The following RAB37 variants were observed in gnomAD, a reference collection of about 807,000 sequenced individuals.
RAB37 encodes the protein RAB37, member RAS oncogene family.
In RAB37, 29 loss-of-function variants were observed where a neutral mutation model predicts 33.1. That is an observed-to-expected ratio of 0.88 (90% CI 0.65 to 1.20). The LOEUF is 1.20. RAB37 is among the 50% of genes most tolerant of loss of function. RAB37 has a pLI of 0.00. For synonymous variants in RAB37, 128 were observed against 119.5 expected (o/e 1.07, Z -0.47); for missense variants, 299 against 301.1 (o/e 0.99, Z 0.05).
chr17:74,677,603 T>C (rs999887029), intron 1 of RAB37: 2 of 152,222 alleles, frequency 1.3e-5, no homozygotes, highest in African/African-American at 4.8e-5. Context: ...CTGTATAATA[T>C]TTCCACTGGC....
Position 74,740,876 on chromosome 17 carries a change from A to G in RAB37, c.202A>G (p.Arg68Gly). ...CATAGCCACCGTCGGCATAGACTTC[A>G]GGGTGAGGTGGCTGCAGGCACTTGC... ...TFIATVGIDF[R>G]NKVVTVDGVR... The change falls in exon 2 of 9, where the codon AGG (arginine) becomes GGG (glycine). Residue 68 changes from arginine (R) to glycine (G), a missense_variant and splice_region_variant. By Grantham distance (125) the Arg-to-Gly change is moderately radical. Coordinates refer to ENST00000392613, the MANE Select transcript of RAB37 (RefSeq NM_001006638.3). The G allele has an allele frequency of 6.2e-7, 1 of 1,606,806 alleles. No individual in the cohort carries two copies. Among genetic ancestry groups the G allele is most frequent in the Non-Finnish European group, 8.5e-7 (1 of 1,173,426 alleles).
intron 1 of RAB37, among the ~76,000 whole-genome samples, chr17:74,719,519 TTC>T (rs534721426): frequency 1.9e-3 from 290 of 152,330 alleles, no homozygotes; most frequent in Middle Eastern, 0.01. Flanking sequence ...TTCCTTTTTT[TTC>T]TTTTGAGATG....
intron 1 of RAB37, chr17:74,696,089 T>A: frequency 7.0e-7 from 1 of 1,431,574 alleles, no homozygotes; most frequent in Non-Finnish European, 9.5e-7. Flanking sequence ...ACAGGATACT[T>A]TGGCACAGGA....
intron 1 of RAB37, among the ~76,000 whole-genome samples, chr17:74,682,221 G>A (rs1389428271): frequency 2.0e-5 from 3 of 152,146 alleles, no homozygotes; most frequent in Non-Finnish European, 4.4e-5. Flanking sequence ...GGCTTAAGCC[G>A]AAAAGAGAAC....
chr17:74,706,428 C>CAT (rs1035920274), intron 1 of RAB37, among the ~76,000 whole-genome samples: 8 of 147,662 alleles, frequency 5.4e-5, no homozygotes, highest in Admixed American at 1.4e-4. Flanking sequence ...ATAAAAAGAA[C>CAT]ATATATATAT....
Position 74,671,456 on chromosome 17 carries a change from T to C in RAB37, c.-131T>C. 1 of 818,562 alleles carries C rather than the reference T, an allele frequency of 1.2e-6. No homozygotes were observed. Among genetic ancestry groups the C allele is most frequent in the Non-Finnish European group, 2.0e-6 (1 of 510,936 alleles). The allele number at this position is 818,562 out of a possible 1,614,324, so 50.7% of individuals were successfully genotyped here. A position where few individuals can be genotyped will look rare whatever the true frequency, so the allele number is the denominator to read the frequency against. ...GCCGCTGCGGGGAACTGTCCAGTGCTGAAAACGGATGCGGCCCGGCCCGCA... is the reference window on the plus strand; with the variant it reads ...GCCGCTGCGGGGAACTGTCCAGTGCCGAAAACGGATGCGGCCCGGCCCGCA... On this transcript the variant is annotated 5_prime_UTR_variant, in exon 1 of 8. Coordinates refer to the RAB37 transcript ENST00000340415. The surrounding 1 kb of genome is among the most constrained non-coding windows in gnomAD (Gnocchi z 5.0).
At chr17:74,687,558 C>T (rs2032078701) in intron 1 of RAB37, among the ~76,000 whole-genome samples, 1 of 152,174 alleles carries the variant, frequency 6.6e-6, no homozygotes. Flanking sequence ...GTTGCAGACC[C>T]TCAGGACAGA....
At chr17:74,739,534 T>C (rs1246092841) in intron 1 of RAB37, among the ~76,000 whole-genome samples, 1 of 148,006 alleles carries the variant, frequency 6.8e-6, no homozygotes, top group African/African-American at 2.5e-5. Context: ...CCTTTTTTTT[T>C]TTTTTTTTTT....
rs553256788 is a variant in RAB37 at position 74,719,591 on chromosome 17, G to A, written c.73-9665G>A. On this transcript the variant is annotated intron_variant, in intron 1 of 7. Coordinates refer to the RAB37 transcript ENST00000340415. Reference sequence around the variant, plus strand: ...GGTGCAATTATAGCTCAATGCAGCTGTAATTCTGGAAAATCTCCTGGACTC... The same window carrying A: ...GGTGCAATTATAGCTCAATGCAGCTATAATTCTGGAAAATCTCCTGGACTC... Among the ~76,000 whole-genome samples the A allele has an allele frequency of 1.6e-3, 243 of 152,202 alleles. 1 individual carries two copies. The highest frequency in any genetic ancestry group is 4.6e-3 in the African/African-American group (192 of 41,518).
intron 1 of RAB37, among the ~76,000 whole-genome samples, chr17:74,724,392 T>C (rs575994390): frequency 1.3e-5 from 2 of 152,296 alleles, no homozygotes; most frequent in South Asian, 4.1e-4. Context: ...AGTGAGCAGA[T>C]GGGTGACTTA....
At chr17:74,698,322 C>T (rs2032705659) in intron 1 of RAB37, 1 of 1,360,492 alleles carries the variant, frequency 7.4e-7, no homozygotes, top group African/African-American at 1.4e-5. Flanking sequence ...GCCACATCCC[C>T]AGCCACCCGG....
chr17:74,696,320 G>A, intron 1 of RAB37: 3 of 1,279,430 alleles, frequency 2.3e-6, no homozygotes, highest in Non-Finnish European at 3.2e-6. Context: ...AGGTGAATTG[G>A]GTCCAGGCTC....
chr17:74,689,164 C>T (rs914299863), intron 1 of RAB37, among the ~76,000 whole-genome samples: 7 of 151,714 alleles, frequency 4.6e-5, no homozygotes, highest in South Asian at 2.1e-4. Context: ...CAGGTGTGGG[C>T]GAGTGTGGTA....
At chr17:74,683,921 G>A (rs1372599253) in intron 1 of RAB37, among the ~76,000 whole-genome samples, 1 of 152,208 alleles carries the variant, frequency 6.6e-6, no homozygotes, top group Admixed American at 6.5e-5. Flanking sequence ...CTGGAAGGCA[G>A]ATCAGACAGT....
chr17:74,728,011 G>GTATA (rs202142683), intron 1 of RAB37, among the ~76,000 whole-genome samples: 1 of 151,754 alleles, frequency 6.6e-6, no homozygotes, highest in Admixed American at 6.6e-5. Flanking sequence ...ATATGTATGT[G>GTATA]TATATATATA....
chr17:74,745,265 G>C lies in RAB37; in HGVS notation c.567-41G>C. The C allele has an allele frequency of 6.4e-7, 1 of 1,557,326 alleles. No homozygotes were observed. Among genetic ancestry groups the C allele is most frequent in the Non-Finnish European group, 8.8e-7 (1 of 1,130,208 alleles). On this transcript the variant is annotated intron_variant, in intron 8 of 8. Coordinates refer to ENST00000392613, the MANE Select transcript of RAB37 (RefSeq NM_001006638.3). The surrounding 1 kb of genome is among the most constrained non-coding windows in gnomAD (Gnocchi z 4.5). Reference sequence around the variant, plus strand: ...GGGGGCGGCTCAGCTCCTCACCCCAGCCCAGCCCAGCCCAGCCCAGCCCAT... The same window carrying C: ...GGGGGCGGCTCAGCTCCTCACCCCACCCCAGCCCAGCCCAGCCCAGCCCAT...
chr17:74,680,695 C>T (rs1429414072), intron 1 of RAB37, among the ~76,000 whole-genome samples: 1 of 152,086 alleles, frequency 6.6e-6, no homozygotes, highest in Non-Finnish European at 1.5e-5. Context: ...ATTCTATTCT[C>T]TCCAGGTCTG....
chr17:74,707,898 G>A (rs973775295), intron 1 of RAB37, among the ~76,000 whole-genome samples: 8 of 151,772 alleles, frequency 5.3e-5, no homozygotes, highest in Non-Finnish European at 8.8e-5. Context: ...ATACAGGCCA[G>A]GCACTGTGAG....
Position 74,738,541 on chromosome 17 carries a change from T to A in RAB37, c.93+1176T>A, listed in dbSNP as rs1471109870. ...AGGCAGCTGTTTGTGTTTGGTGGAA[T>A]CACCGAGCTGGGTGGGTAGCTGGCA... is the stretch of plus-strand genomic sequence containing the variant. On this transcript the variant is annotated intron_variant, in intron 1 of 8. Transcript: ENST00000392613. This position sits in a 1 kb window ranked among gnomAD's most constrained non-coding sequence, Gnocchi z 5.0. Among the ~76,000 whole-genome samples the A allele has an allele frequency of 6.6e-6, 1 of 152,142 alleles. No homozygotes were observed. Among genetic ancestry groups the A allele is most frequent in the Non-Finnish European group, 1.5e-5 (1 of 68,026 alleles).
Sources: gnomAD v4.1 joint callset for allele counts (sites outside exome capture counted in the v4.1 genomes callset) on GRCh38, gnomAD v4.1.1 for gene constraint, Gnocchi (gnomAD v3.1) non-coding constraint, MANE v1.5 for transcripts, NCBI Gene and HGNC (gene_info 2026-07-23, HGNC 2026-07-21) for gene names.